Variants in DAB1 observed in about 807,000 individuals in gnomAD.
DAB1 encodes the protein disabled homolog 1.
In DAB1, 15 loss-of-function variants were observed where a neutral mutation model predicts 64.6. The observed-to-expected ratio is 0.23, with a 90% confidence interval of 0.16 to 0.36. The LOEUF (loss-of-function observed/expected upper bound fraction) is 0.36. Among genes scored for constraint, DAB1 ranks in the 10% least tolerant of loss-of-function variants. The probability of loss-of-function intolerance (pLI) is 1.00; values close to 1 mark genes in which losing one functional copy is unlikely to be tolerated. For synonymous variants in DAB1, 235 were observed against 251.9 expected (o/e 0.93, Z 0.64); for missense variants, 596 against 706.7 (o/e 0.84, Z 1.78).
intron 7 of DAB1, among the ~76,000 whole-genome samples, chr1:57,481,449 A>G (rs1644017980): frequency 6.6e-6 from 1 of 152,110 alleles, no homozygotes; most frequent in Non-Finnish European, 1.5e-5. Flanking sequence ...TCAGACCCTA[A>G]ACTGTAGCAG....
At chr1:57,146,368 G>C (rs1659135856) in intron 2 of DAB1, among the ~76,000 whole-genome samples, 1 of 152,200 alleles carries the variant, frequency 6.6e-6, no homozygotes, top group Non-Finnish European at 1.5e-5. Flanking sequence ...TGTACAGTTG[G>C]TTCTTAAAAC....
chr1:58,031,847 C>T (rs1417328202), intron 5 of DAB1, among the ~76,000 whole-genome samples: 1 of 152,088 alleles, frequency 6.6e-6, no homozygotes, highest in Non-Finnish European at 1.5e-5. Flanking sequence ...AGCAGAAAGC[C>T]CTGCCTTAGT....
intron 6 of DAB1, among the ~76,000 whole-genome samples, chr1:57,748,701 G>A (rs938931231): frequency 6.6e-6 from 1 of 152,142 alleles, no homozygotes; most frequent in African/African-American, 2.4e-5. Context: ...TACCACCTTA[G>A]GGAGAGGTTT....
At chr1:57,126,831 C>G (rs1657168092) in intron 4 of DAB1, among the ~76,000 whole-genome samples, 1 of 152,208 alleles carries the variant, frequency 6.6e-6, no homozygotes, top group Non-Finnish European at 1.5e-5. Context: ...GGCTCCTCTC[C>G]ATCACCCTGT....
At chr1:58,536,739 C>A in intron 1 of DAB1, 1 of 867,542 alleles carries the variant, frequency 1.2e-6, no homozygotes, top group Non-Finnish European at 2.0e-6. Flanking sequence ...TTTCCTTATG[C>A]CCCTAAAGCA....
At chr1:58,321,577 C>T (rs1166683032) in intron 4 of DAB1, among the ~76,000 whole-genome samples, 1 of 152,266 alleles carries the variant, frequency 6.6e-6, no homozygotes, top group Non-Finnish European at 1.5e-5. Context: ...GCTTTTCCAA[C>T]AGTCTTACCA....
intron 6 of DAB1, among the ~76,000 whole-genome samples, chr1:57,706,907 T>G (rs1646973440): frequency 1.3e-5 from 2 of 151,836 alleles, no homozygotes; most frequent in Admixed American, 6.6e-5. Context: ...ACCCCATCTC[T>G]ACTAAAAATA....
chr1:57,790,204 G>C (rs1408853633), intron 6 of DAB1, among the ~76,000 whole-genome samples: 2 of 152,164 alleles, frequency 1.3e-5, no homozygotes, highest in African/African-American at 4.8e-5. Context: ...CAGTGTCATG[G>C]GAGGGACCTA....
intron 7 of DAB1, among the ~76,000 whole-genome samples, chr1:57,500,850 C>A (rs914734195): frequency 6.6e-6 from 1 of 152,132 alleles, no homozygotes; most frequent in Non-Finnish European, 1.5e-5. Context: ...AGTGAGTGGT[C>A]ATGGAGGTGA....
At chr1:57,526,089 C>T (rs1374872480) in intron 7 of DAB1, among the ~76,000 whole-genome samples, 1 of 152,066 alleles carries the variant, frequency 6.6e-6, no homozygotes, top group African/African-American at 2.4e-5. Flanking sequence ...AGGCACCCGC[C>T]ACCACACCCA....
intron 6 of DAB1, among the ~76,000 whole-genome samples, chr1:57,735,609 G>GTTTTTT (rs59456674): frequency 1.2e-3 from 112 of 95,094 alleles, no homozygotes; most frequent in East Asian, 2.6e-3. Context: ...CTGTTTGCTT[G>GTTTTTT]TTTTTTTTTT....
chr1:57,523,002 T>G (rs2101388095), intron 7 of DAB1, among the ~76,000 whole-genome samples: 1 of 152,340 alleles, frequency 6.6e-6, no homozygotes, highest in Middle Eastern at 3.4e-3. Flanking sequence ...CACTGTCAGA[T>G]TCCCTATTTT....
At chr1:57,519,815 A>G (rs1644505189) in intron 7 of DAB1, among the ~76,000 whole-genome samples, 1 of 152,224 alleles carries the variant, frequency 6.6e-6, no homozygotes, top group Admixed American at 6.5e-5. Flanking sequence ...CGGCACTTCT[A>G]TTGATCTAAG....
At chr1:57,635,164 A>G (rs940532070) in intron 7 of DAB1, among the ~76,000 whole-genome samples, 2 of 152,194 alleles carry the variant, frequency 1.3e-5, no homozygotes, top group South Asian at 2.1e-4. Context: ...CCCCAAATTC[A>G]CAAGTTTAAG....
At chr1:57,721,468 C>T (rs1557442716) in intron 6 of DAB1, among the ~76,000 whole-genome samples, 1 of 152,160 alleles carries the variant, frequency 6.6e-6, no homozygotes, top group Non-Finnish European at 1.5e-5. Flanking sequence ...AAAATATTAA[C>T]TCATGAAATC....
rs1553202396 is a variant in DAB1 at position 57,636,108 on chromosome 1, A to AAAC, written n.625+13483_625+13484insGTT. On this transcript the variant is annotated intron_variant and non_coding_transcript_variant, in intron 7 of 20. Coordinates refer to the DAB1 transcript ENST00000485760. ...CGAGACACGGTCTCAAAAAAAAAAAAAAAAACAAAAACAAAAAACTGGTGC... is the reference window on the plus strand; with the variant it reads ...CGAGACACGGTCTCAAAAAAAAAAAAAACAAAAACAAAAACAAAAAACTGGTGC... 2.7e-4 allele frequency among the ~76,000 whole-genome samples: 40 copies of AAAC among 149,668 alleles called. 2 individuals carry two copies. The highest frequency in any genetic ancestry group is 4.7e-4 in the Non-Finnish European group (32 of 67,640).
At chr1:57,888,096 A>G (rs934799189), upstream of DAB1, among the ~76,000 whole-genome samples, 46 of 152,254 alleles carry the variant, frequency 3.0e-4, 1 homozygote, top group Admixed American at 7.8e-4. Context: ...GGTGGCTTTC[A>G]CTGTAGGGCC....
At chr1:58,182,417 T>G (rs966123594) in intron 4 of DAB1, among the ~76,000 whole-genome samples, 4 of 151,910 alleles carry the variant, frequency 2.6e-5, no homozygotes, top group Admixed American at 6.6e-5. Flanking sequence ...GAGACTCCCA[T>G]GAAACATATG....
chr1:57,468,304 A>G (rs1687022945), intron 7 of DAB1, among the ~76,000 whole-genome samples: 1 of 152,196 alleles, frequency 6.6e-6, no homozygotes, highest in Non-Finnish European at 1.5e-5. Context: ...TGAGCATAGC[A>G]ACTTCGAGAG....
Sources: allele counts gnomAD v4.1 joint callset (sites outside exome capture counted in the v4.1 genomes callset), GRCh38; gene constraint gnomAD v4.1.1; transcripts MANE v1.5; gene names NCBI Gene and HGNC (gene_info 2026-07-23, HGNC 2026-07-21).